Variants in LRMDA observed in about 807,000 individuals in gnomAD.
The protein encoded by LRMDA is leucine rich melanocyte differentiation associated.
A neutral mutation model predicts 29.8 loss-of-function variants in LRMDA; 18 were observed. The ratio of observed to expected loss-of-function variants is 0.60; its 90% CI spans 0.42 to 0.90. LRMDA has a LOEUF of 0.90. LRMDA is among the 40% of genes least tolerant of loss of function. The pLI is 0.00. For missense variants in LRMDA, 273 were observed against 273.9 expected (o/e 1.00, Z 0.02); for synonymous variants, 125 against 109.4 (o/e 1.14, Z -0.89).
intron 2 of LRMDA, among the ~76,000 whole-genome samples, chr10:75,524,251 TC>T: frequency 6.6e-6 from 1 of 152,292 alleles, no homozygotes; most frequent in East Asian, 1.9e-4. Flanking sequence ...CCAACTCTTA[TC>T]ATGGGGGCAT....
intron 2 of LRMDA, among the ~76,000 whole-genome samples, chr10:75,844,419 G>T (rs1279286844): frequency 6.6e-6 from 1 of 152,144 alleles, no homozygotes; most frequent in Non-Finnish European, 1.5e-5. Context: ...GACAGAAAGG[G>T]TTTACTAAGA....
intron 2 of LRMDA, among the ~76,000 whole-genome samples, chr10:75,509,169 C>T (rs146657461): frequency 1.6e-3 from 247 of 152,210 alleles, no homozygotes; most frequent in African/African-American, 4.4e-3. Context: ...TGTTGGCCCT[C>T]ATGGGCCACC....
intron 2 of LRMDA, among the ~76,000 whole-genome samples, chr10:75,700,256 GT>G (rs34497500): frequency 0.11 from 15,334 of 140,452 alleles, 1,016 homozygotes; most frequent in East Asian, 0.37. Context: ...CTTTGTGTGA[GT>G]TTTTTTTTTT....
intron 2 of LRMDA, among the ~76,000 whole-genome samples, chr10:75,981,801 G>A (rs576907059): frequency 1.7e-4 from 25 of 147,998 alleles, no homozygotes; most frequent in Middle Eastern, 3.5e-3. Flanking sequence ...GCAGTGAGCC[G>A]AGACCACACC....
chr10:76,058,932 C>T (rs1848660610), intron 5 of LRMDA, 149 bp downstream of exon 5: 4 of 668,112 alleles, frequency 6.0e-6, no homozygotes, highest in Non-Finnish European at 8.1e-6. Context: ...GTTGGCCAAA[C>T]ATGAAATAGG....
At chr10:75,628,476 A>G (rs1323632065) in intron 2 of LRMDA, among the ~76,000 whole-genome samples, 2 of 152,160 alleles carry the variant, frequency 1.3e-5, no homozygotes, top group Non-Finnish European at 2.9e-5. Context: ...TGTACTATTC[A>G]TTTTCCAGCT....
At chr10:75,763,983 G>T (rs1843129452) in intron 2 of LRMDA, among the ~76,000 whole-genome samples, 1 of 152,134 alleles carries the variant, frequency 6.6e-6, no homozygotes, top group South Asian at 2.1e-4. Flanking sequence ...TATCAAGCGT[G>T]CTGTCTTTCT....
intron 1 of LRMDA, among the ~76,000 whole-genome samples, chr10:75,433,123 G>A (rs540459968): frequency 2.1e-4 from 32 of 152,230 alleles, no homozygotes; most frequent in African/African-American, 6.0e-4. Flanking sequence ...CTGCCTGGAG[G>A]GAGGGGCTGG....
At chr10:75,922,352 G>T (rs1846041261) in intron 2 of LRMDA, among the ~76,000 whole-genome samples, 1 of 152,174 alleles carries the variant, frequency 6.6e-6, no homozygotes, top group Non-Finnish European at 1.5e-5. Flanking sequence ...ATATCAGAAT[G>T]GTTGAGATGA....
chr10:75,838,326 G>T (rs79418930), intron 2 of LRMDA, among the ~76,000 whole-genome samples: 2,033 of 152,184 alleles, frequency 0.013, 21 homozygotes, highest in Non-Finnish European at 0.019. Flanking sequence ...ATTGTGTATC[G>T]TCTTATGAAA....
intron 2 of LRMDA, among the ~76,000 whole-genome samples, chr10:75,503,184 GTT>G (rs577316418): frequency 2.8e-5 from 4 of 144,554 alleles, no homozygotes; most frequent in African/African-American, 2.5e-5. Context: ...TTGATAGCCT[GTT>G]TTTTTTTTTT....
intron 2 of LRMDA, among the ~76,000 whole-genome samples, chr10:75,630,411 T>C (rs766515491): frequency 1.2e-4 from 18 of 152,236 alleles, no homozygotes; most frequent in Non-Finnish European, 1.2e-4. Context: ...CTCTCCATCG[T>C]TGAGTTTCTG....
chr10:76,220,770 A>G (rs1190930814), intron 5 of LRMDA, among the ~76,000 whole-genome samples: 4 of 152,212 alleles, frequency 2.6e-5, no homozygotes, highest in Non-Finnish European at 4.4e-5. Flanking sequence ...AACTCATTTT[A>G]TGAGGCCAGC....
chr10:75,955,673 C>T (rs1267633100), intron 2 of LRMDA, among the ~76,000 whole-genome samples: 1 of 152,124 alleles, frequency 6.6e-6, no homozygotes, highest in Non-Finnish European at 1.5e-5. Context: ...TTGTTTCTAG[C>T]ACTAATATTT....
chr10:75,503,341 T>C (rs1428712371), intron 2 of LRMDA, among the ~76,000 whole-genome samples: 2 of 152,174 alleles, frequency 1.3e-5, no homozygotes, highest in Non-Finnish European at 2.9e-5. Flanking sequence ...TGGCTTCTCA[T>C]GCTGGAGACT....
intron 6 of LRMDA, among the ~76,000 whole-genome samples, chr10:76,384,620 A>G (rs187382120): frequency 1.3e-5 from 2 of 152,286 alleles, no homozygotes; most frequent in Non-Finnish European, 2.9e-5. Flanking sequence ...CTTTGAGGCC[A>G]GTTCAGGACT....
At chr10:75,984,131 C>T (rs1847222002) in intron 2 of LRMDA, among the ~76,000 whole-genome samples, 1 of 152,060 alleles carries the variant, frequency 6.6e-6, no homozygotes, top group Non-Finnish European at 1.5e-5. Context: ...CAAGTCTTTC[C>T]TTCAACGACA....
At chr10:75,823,548 T>C (rs947444864) in intron 2 of LRMDA, among the ~76,000 whole-genome samples, 4 of 152,150 alleles carry the variant, frequency 2.6e-5, no homozygotes, top group Non-Finnish European at 5.9e-5. Context: ...ATAACCTCTA[T>C]GGAAAACAGT....
chr10:76,172,439 T>G (rs1165922525), intron 5 of LRMDA, among the ~76,000 whole-genome samples: 1 of 152,088 alleles, frequency 6.6e-6, no homozygotes, highest in Non-Finnish European at 1.5e-5. Context: ...AGTCCTCTGG[T>G]CTCCCTGAGT....
Sources: gnomAD v4.1 joint callset for allele counts (sites outside exome capture counted in the v4.1 genomes callset) on GRCh38, gnomAD v4.1.1 for gene constraint, MANE v1.5 for transcripts, NCBI Gene and HGNC (gene_info 2026-07-23, HGNC 2026-07-21) for gene names.